The following FARS2 variants were observed in gnomAD, a reference collection of about 807,000 sequenced individuals.
FARS2 encodes phenylalanine--tRNA ligase, mitochondrial.
Under a neutral mutation model 46.4 loss-of-function variants are expected in FARS2, and 40 were observed. That is an observed-to-expected ratio of 0.86 (90% CI 0.67 to 1.12). The LOEUF (loss-of-function observed/expected upper bound fraction) is 1.12, where lower values mean the gene tolerates loss of function less well. Ranked by LOEUF, FARS2 falls within the 50% of genes most tolerant of loss-of-function variation. FARS2 has a pLI of 0.00. For synonymous variants in FARS2, 234 were observed against 214.9 expected (o/e 1.09, Z -0.78); for missense variants, 513 against 567.9 (o/e 0.90, Z 0.98).
intron 6 of FARS2, among the ~76,000 whole-genome samples, chr6:5,750,079 A>G (rs1761859095): frequency 6.6e-6 from 1 of 152,206 alleles, no homozygotes; most frequent in South Asian, 2.1e-4. Context: ...GAAGAAAGGC[A>G]GAGTCCCTGC....
At chr6:5,633,312 G>A (rs1776388537) in intron 6 of FARS2, among the ~76,000 whole-genome samples, 1 of 113,820 alleles carries the variant, frequency 8.8e-6, no homozygotes, top group South Asian at 2.9e-4. Context: ...GTCTCGCTCT[G>A]TTGCCCAGGC....
chr6:5,568,400 C>T (rs757401598), intron 5 of FARS2, among the ~76,000 whole-genome samples: 4 of 152,206 alleles, frequency 2.6e-5, no homozygotes, highest in Non-Finnish European at 5.9e-5. Flanking sequence ...AGCATCTGCT[C>T]TTGTGCCAGG....
At chr6:5,537,491 G>C (rs1284367349) in intron 4 of FARS2, among the ~76,000 whole-genome samples, 1 of 149,116 alleles carries the variant, frequency 6.7e-6, no homozygotes, top group African/African-American at 2.5e-5. Context: ...GCCTCCTCTC[G>C]AGTTGGAGAT....
intron 5 of FARS2, among the ~76,000 whole-genome samples, chr6:5,556,544 C>T (rs1460966991): frequency 6.6e-6 from 1 of 151,770 alleles, no homozygotes; most frequent in Non-Finnish European, 1.5e-5. Flanking sequence ...GATTGTGGCC[C>T]TCTGCTTGTG....
chr6:5,691,698 C>G (rs1361298404), intron 6 of FARS2, among the ~76,000 whole-genome samples: 1 of 152,178 alleles, frequency 6.6e-6, no homozygotes, highest in South Asian at 2.1e-4. Context: ...CTGGGAGAAC[C>G]ACTGCTCTCT....
At chr6:5,644,530 C>T (rs1489256087) in intron 6 of FARS2, among the ~76,000 whole-genome samples, 1 of 152,066 alleles carries the variant, frequency 6.6e-6, no homozygotes, top group Non-Finnish European at 1.5e-5. Context: ...TCCTTTTAAC[C>T]CTTGTTTTCA....
At chr6:5,604,272 C>T (rs550853521) in intron 5 of FARS2, among the ~76,000 whole-genome samples, 45 of 152,006 alleles carry the variant, frequency 3.0e-4, no homozygotes, top group Non-Finnish European at 5.6e-4. Context: ...AGGTCTGCCA[C>T]ACTCCCATCT....
At chr6:5,512,481 T>C (rs1423257329) in intron 4 of FARS2, among the ~76,000 whole-genome samples, 1 of 152,076 alleles carries the variant, frequency 6.6e-6, no homozygotes, top group Non-Finnish European at 1.5e-5. Context: ...TAGCAAAGGC[T>C]TTTGGGTGTC....
intron 6 of FARS2, among the ~76,000 whole-genome samples, chr6:5,656,444 G>A (rs746566637): frequency 3.9e-5 from 6 of 152,106 alleles, no homozygotes; most frequent in African/African-American, 1.4e-4. Context: ...GAGCTCCAGG[G>A]TCCACTTCAC....
intron 4 of FARS2, among the ~76,000 whole-genome samples, chr6:5,513,966 G>A (rs1422324245): frequency 6.6e-6 from 1 of 151,910 alleles, no homozygotes; most frequent in East Asian, 1.9e-4. Context: ...CAAATGCACT[G>A]TTGTATCTCT....
intron 4 of FARS2, among the ~76,000 whole-genome samples, chr6:5,481,417 T>C (rs766099265): frequency 6.6e-6 from 1 of 152,244 alleles, no homozygotes; most frequent in Non-Finnish European, 1.5e-5. Flanking sequence ...AAGCTGTCCA[T>C]TGGACACAGG....
chr6:5,678,427 G>A (rs1234215888), intron 6 of FARS2, among the ~76,000 whole-genome samples: 1 of 152,320 alleles, frequency 6.6e-6, no homozygotes, highest in Non-Finnish European at 1.5e-5. Context: ...TCCTGGAAGA[G>A]GGTACTTGTT....
At chr6:5,255,684 G>A in the FARS2 span, among the ~76,000 whole-genome samples, 6 of 152,052 alleles carry the variant, frequency 3.9e-5, no homozygotes, top group South Asian at 2.1e-4. Context: ...AATAGCATCC[G>A]TAGCCACGAA....
chr6:5,341,188 G>GATAT (rs869067569), intron 1 of FARS2, among the ~76,000 whole-genome samples: 69 of 34,134 alleles, frequency 2.0e-3, no homozygotes, highest in South Asian at 4.0e-3. Context: ...GCCATGGGGA[G>GATAT]ATATATATAT....
intron 6 of FARS2, among the ~76,000 whole-genome samples, chr6:5,736,202 G>A (rs1482041287): frequency 6.6e-6 from 1 of 152,214 alleles, no homozygotes; most frequent in Non-Finnish European, 1.5e-5. Context: ...CACCACCTGG[G>A]CTCCTCCACA....
In FARS2 at chr6:5,727,013, G is replaced by A. The variant is rs1031681349; in HGVS notation, c.1218-44278G>A. 6.6e-6 allele frequency among the ~76,000 whole-genome samples: 1 copy of A among 152,206 alleles called. No homozygotes were observed. Among genetic ancestry groups the A allele is most frequent in the African/African-American group, 2.4e-5 (1 of 41,438 alleles). The stretch of plus-strand genomic sequence containing the variant: ...TTCGTGACCGCTGTCAACTGCAAAT[G>A]GTATGGCCTTGGGTCAGATACTTGG... On this transcript the variant is annotated intron_variant, in intron 6 of 6. Transcript: ENST00000274680. This position sits in a 1 kb window ranked among gnomAD's most constrained non-coding sequence, Gnocchi z 4.1.
At chr6:5,584,695 T>C (rs556936251) in intron 5 of FARS2, among the ~76,000 whole-genome samples, 1 of 152,302 alleles carries the variant, frequency 6.6e-6, no homozygotes, top group South Asian at 2.1e-4. Flanking sequence ...TAACCTTCCA[T>C]AGATATGCAT....
At chr6:5,575,051 CTT>C (rs1172156188) in intron 5 of FARS2, among the ~76,000 whole-genome samples, 3 of 152,280 alleles carry the variant, frequency 2.0e-5, no homozygotes, top group African/African-American at 7.2e-5. Flanking sequence ...ACATTGAACT[CTT>C]GACCAATCGC....
intron 6 of FARS2, among the ~76,000 whole-genome samples, chr6:5,688,547 AAGCCC>A (rs1561801524): frequency 6.6e-6 from 1 of 152,240 alleles, no homozygotes; most frequent in Non-Finnish European, 1.5e-5. Context: ...CCCAGGGATG[AAGCCC>A]ACTTGATCAT....
Sources: allele counts gnomAD v4.1 joint callset (sites outside exome capture counted in the v4.1 genomes callset), GRCh38; gene constraint gnomAD v4.1.1; non-coding constraint Gnocchi (gnomAD v3.1); transcripts MANE v1.5; gene names NCBI Gene and HGNC (gene_info 2026-07-23, HGNC 2026-07-21).